The following ASTN1 variants were observed in gnomAD, a reference collection of about 807,000 sequenced individuals.
ASTN1 encodes the protein astrotactin-1.
In ASTN1, 41 loss-of-function variants were observed where a neutral mutation model predicts 140.7. That is an observed-to-expected ratio of 0.29 (90% CI 0.23 to 0.38). ASTN1 has a LOEUF of 0.38. Ranked by LOEUF, ASTN1 falls within the 10% of genes least tolerant of loss-of-function variation. ASTN1 has a pLI of 1.00. For missense variants in ASTN1, 1,479 were observed against 1,678.8 expected (o/e 0.88, Z 2.08); for synonymous variants, 640 against 652.2 (o/e 0.98, Z 0.29).
At chr1:176,905,277 A>T (rs766242430) in intron 16 of ASTN1, among the ~76,000 whole-genome samples, 2 of 152,222 alleles carry the variant, frequency 1.3e-5, no homozygotes, top group African/African-American at 4.8e-5. Flanking sequence ...ATATGAGTCT[A>T]TGCAGGCGGG....
At chr1:177,116,282 C>T (rs1280306083) in intron 1 of ASTN1, among the ~76,000 whole-genome samples, 1 of 152,132 alleles carries the variant, frequency 6.6e-6, no homozygotes, top group Non-Finnish European at 1.5e-5. Context: ...ATTAGCAAGA[C>T]TGAATATTAT....
At chr1:177,060,648 C>T (rs1678036521) in intron 2 of ASTN1, among the ~76,000 whole-genome samples, 1 of 152,126 alleles carries the variant, frequency 6.6e-6, no homozygotes. Context: ...GTAGCTGGGA[C>T]TGCAGGTGTG....
intron 2 of ASTN1, among the ~76,000 whole-genome samples, chr1:177,050,095 C>T (rs556628823): frequency 6.6e-6 from 1 of 152,314 alleles, no homozygotes; most frequent in East Asian, 1.9e-4. Flanking sequence ...CTGAAACCCA[C>T]AAATGCCAAA....
intron 1 of ASTN1, among the ~76,000 whole-genome samples, chr1:177,148,651 C>CTT (rs1038061114): frequency 6.9e-6 from 1 of 144,666 alleles, no homozygotes. Flanking sequence ...AATGCACTAG[C>CTT]TTTTTTTTTT....
At chr1:177,041,877 T>C (rs1186587579) in intron 2 of ASTN1, among the ~76,000 whole-genome samples, 1 of 152,170 alleles carries the variant, frequency 6.6e-6, no homozygotes, top group African/African-American at 2.4e-5. Flanking sequence ...GATAGCTCCA[T>C]AGGTAGCAAC....
chr1:176,885,672 C>G lies in ASTN1; in HGVS notation c.3075-1182G>C, dbSNP rs1669005006. Reference sequence around the variant, plus strand: ...TGCAAGGTACTAAGAATGAATGACACCAAACCATCTGCAATCTTCAATTTC... The same window carrying G: ...TGCAAGGTACTAAGAATGAATGACAGCAAACCATCTGCAATCTTCAATTTC... On this transcript the variant is annotated intron_variant, in intron 18 of 22. Transcript: ENST00000361833. Among the ~76,000 whole-genome samples, 3 of 152,256 alleles carry G rather than the reference C, an allele frequency of 2.0e-5. No individual in the cohort carries two copies. The South Asian group carries it at 6.2e-4, about 32-fold the overall frequency.
intron 18 of ASTN1, among the ~76,000 whole-genome samples, chr1:176,886,584 G>T (rs937933758): frequency 6.6e-6 from 1 of 152,206 alleles, no homozygotes; most frequent in African/African-American, 2.4e-5. Flanking sequence ...AAGGCTGTAG[G>T]TATCTAAAAC....
intron 20 of ASTN1, among the ~76,000 whole-genome samples, chr1:176,877,812 G>C (rs1031492831): frequency 2.0e-5 from 3 of 152,192 alleles, no homozygotes; most frequent in Non-Finnish European, 4.4e-5. Context: ...CACAGTTACA[G>C]GGAGGGAGAG....
intron 1 of ASTN1, among the ~76,000 whole-genome samples, chr1:177,148,772 AGAT>A (rs1263336754): frequency 6.6e-6 from 1 of 151,864 alleles, no homozygotes; most frequent in East Asian, 1.9e-4. Context: ...AAGGCCACTG[AGAT>A]GATGATAGAA....
chr1:176,991,441 A>C, intron 8 of ASTN1, among the ~76,000 whole-genome samples: 1 of 145,198 alleles, frequency 6.9e-6, no homozygotes, highest in African/African-American at 2.5e-5. Flanking sequence ...AAAACCAAAA[A>C]AAAAAAAAAA....
intron 1 of ASTN1, among the ~76,000 whole-genome samples, chr1:177,147,140 A>G (rs1682753633): frequency 6.6e-6 from 1 of 152,164 alleles, no homozygotes; most frequent in East Asian, 1.9e-4. Context: ...TTTTCCCACT[A>G]CTGTTTTGCA....
chr1:177,047,360 T>C (rs1055304514), intron 2 of ASTN1, among the ~76,000 whole-genome samples: 3 of 151,340 alleles, frequency 2.0e-5, no homozygotes, highest in African/African-American at 7.4e-5. Flanking sequence ...CCACAAAATA[T>C]GACAGGGAGG....
At chr1:176,946,892 A>G (rs1400376995) in intron 12 of ASTN1, among the ~76,000 whole-genome samples, 5 of 152,226 alleles carry the variant, frequency 3.3e-5, no homozygotes, top group African/African-American at 1.2e-4. Flanking sequence ...AAGAATTTAC[A>G]TTTTTTAGCT....
intron 12 of ASTN1, 134 bp downstream of exon 12, chr1:176,949,051 T>C: frequency 7.8e-7 from 1 of 1,285,838 alleles, no homozygotes; most frequent in Non-Finnish European, 1.1e-6. Context: ...CCCCAAGTCC[T>C]AGAGGCTCTT....
chr1:177,061,530 G>A (rs1258190801), intron 1 of ASTN1, among the ~76,000 whole-genome samples: 1 of 152,116 alleles, frequency 6.6e-6, no homozygotes, highest in Non-Finnish European at 1.5e-5. Flanking sequence ...ATATCAAGGT[G>A]AAAATTCAAG....
intron 1 of ASTN1, among the ~76,000 whole-genome samples, chr1:177,099,826 G>A (rs1006516065): frequency 1.3e-5 from 2 of 152,296 alleles, no homozygotes; most frequent in Middle Eastern, 3.4e-3. Context: ...CATCAGAGAA[G>A]TGTGAGCATC....
At chr1:177,058,661 T>C (rs1677927113) in intron 2 of ASTN1, among the ~76,000 whole-genome samples, 1 of 152,212 alleles carries the variant, frequency 6.6e-6, no homozygotes, top group South Asian at 2.1e-4. Flanking sequence ...CTAAAGTCTT[T>C]GGCATTTTTG....
intron 7 of ASTN1, among the ~76,000 whole-genome samples, chr1:177,023,147 G>A (rs1675910269): frequency 1.3e-5 from 2 of 152,210 alleles, no homozygotes; most frequent in African/African-American, 4.8e-5. Context: ...GGGATAAATG[G>A]GTTATGGAAG....
At chr1:177,078,161 T>C (rs1351747834) in intron 1 of ASTN1, among the ~76,000 whole-genome samples, 1 of 152,026 alleles carries the variant, frequency 6.6e-6, no homozygotes, top group East Asian at 1.9e-4. Context: ...GGAAGATGTA[T>C]GATAGGAGAT....
Sources: allele counts gnomAD v4.1 joint callset (sites outside exome capture counted in the v4.1 genomes callset), GRCh38; gene constraint gnomAD v4.1.1; transcripts MANE v1.5; gene names NCBI Gene and HGNC (gene_info 2026-07-23, HGNC 2026-07-21).